The following CSMD1 variants were observed in gnomAD, a reference collection of about 807,000 sequenced individuals.
The protein encoded by CSMD1 is CUB and sushi domain-containing protein 1.
In CSMD1, 213 loss-of-function variants were observed where a neutral mutation model predicts 417.5. The observed-to-expected ratio is 0.51, with a 90% CI of 0.46 to 0.57. The LOEUF is 0.57. CSMD1 is among the 20% of genes least tolerant of loss of function. CSMD1 has a pLI of 0.00. For missense variants in CSMD1, 6,923 were observed against 4,529.7 expected, an observed-to-expected ratio of 1.53 and a Z score of -15.17; for synonymous variants, 2,862 against 1,736.8, an observed-to-expected ratio of 1.65 and a Z score of -16.11.
intron 2 of CSMD1, among the ~76,000 whole-genome samples, chr8:4,566,539 C>A (rs1021073852): frequency 2.7e-5 from 4 of 150,822 alleles, no homozygotes; most frequent in Admixed American, 6.6e-5. Flanking sequence ...TGCAGTCCCA[C>A]CTACTCGGGA....
intron 3 of CSMD1, among the ~76,000 whole-genome samples, chr8:4,084,358 T>C (rs1044628458): frequency 2.6e-5 from 4 of 151,850 alleles, no homozygotes; most frequent in African/African-American, 7.3e-5. Flanking sequence ...ACTACAACCA[T>C]AAATGCAATC....
chr8:3,909,866 G>T (rs934384722), intron 5 of CSMD1, among the ~76,000 whole-genome samples: 1 of 152,120 alleles, frequency 6.6e-6, no homozygotes, highest in Admixed American at 6.5e-5. Context: ...ACAAGTTGAT[G>T]GAATGGGTAC....
intron 1 of CSMD1, among the ~76,000 whole-genome samples, chr8:4,806,055 G>A (rs1009404833): frequency 6.6e-6 from 1 of 152,002 alleles, no homozygotes; most frequent in Non-Finnish European, 1.5e-5. Flanking sequence ...ACGGAAACCC[G>A]GATTTTCGGT....
At chr8:3,455,292 G>A (rs1270955422) in intron 12 of CSMD1, among the ~76,000 whole-genome samples, 2 of 152,116 alleles carry the variant, frequency 1.3e-5, no homozygotes, top group African/African-American at 2.4e-5. Context: ...GTGATCATCT[G>A]AAGCCTTCTT....
chr8:4,857,856 T>C (rs200401894), intron 1 of CSMD1, among the ~76,000 whole-genome samples: 32,817 of 151,394 alleles, frequency 0.22, 4,421 homozygotes, highest in Non-Finnish European at 0.31. Flanking sequence ...CTGGTACCAT[T>C]CCTTCTGAAA....
intron 1 of CSMD1, among the ~76,000 whole-genome samples, chr8:4,958,778 G>C (rs571642521): frequency 1.4e-4 from 22 of 152,070 alleles, no homozygotes; most frequent in Non-Finnish European, 2.9e-4. Context: ...AACTAGAAGT[G>C]AAAAAAGCGG....
chr8:3,624,038 A>G (rs4601341), intron 7 of CSMD1, among the ~76,000 whole-genome samples: 50,290 of 152,116 alleles, frequency 0.33, 9,622 homozygotes, highest in Middle Eastern at 0.47. Context: ...CTTATGAGAC[A>G]TTATGCGTTG....
chr8:3,712,035 G>A (rs1374307670), intron 6 of CSMD1, among the ~76,000 whole-genome samples: 2 of 152,174 alleles, frequency 1.3e-5, no homozygotes, highest in African/African-American at 2.4e-5. Flanking sequence ...GCAAACAAGT[G>A]TTTGATGCTC....
chr8:4,230,301 T>TCAAATAATCTATC (rs1801638091), intron 3 of CSMD1, among the ~76,000 whole-genome samples: 1 of 152,206 alleles, frequency 6.6e-6, no homozygotes, highest in South Asian at 2.1e-4. Context: ...CATTTAATCC[T>TCAAATAATCTATC]CAATTAATCT....
At chr8:4,847,085 G>T (rs183380073) in intron 1 of CSMD1, among the ~76,000 whole-genome samples, 7 of 152,056 alleles carry the variant, frequency 4.6e-5, no homozygotes, top group South Asian at 2.1e-4. Context: ...AGGGCACCAC[G>T]CTCTGCTCGT....
At chr8:4,573,534 C>G (rs891581373) in intron 2 of CSMD1, among the ~76,000 whole-genome samples, 1 of 152,108 alleles carries the variant, frequency 6.6e-6, no homozygotes, top group Non-Finnish European at 1.5e-5. Flanking sequence ...CCATCCGGAG[C>G]TCTCCTGTAT....
At chr8:3,548,678 AC>A in intron 10 of CSMD1, among the ~76,000 whole-genome samples, 1 of 147,458 alleles carries the variant, frequency 6.8e-6, no homozygotes, top group East Asian at 2.2e-4. Flanking sequence ...ACACACACAC[AC>A]ACACACACAC....
chr8:4,201,828 T>A (rs1207998706), intron 3 of CSMD1, among the ~76,000 whole-genome samples: 1 of 148,586 alleles, frequency 6.7e-6, no homozygotes, highest in Non-Finnish European at 1.5e-5. Flanking sequence ...TCAGTGCTCC[T>A]TATAGAAGGA....
intron 2 of CSMD1, among the ~76,000 whole-genome samples, chr8:4,526,433 TA>T (rs1216125347): frequency 6.6e-6 from 1 of 152,326 alleles, no homozygotes; most frequent in East Asian, 1.9e-4. Context: ...TGCCTAGTAC[TA>T]AAAAACTATA....
At chr8:4,248,347 C>A (rs888865445) in intron 3 of CSMD1, among the ~76,000 whole-genome samples, 1 of 152,162 alleles carries the variant, frequency 6.6e-6, no homozygotes, top group Non-Finnish European at 1.5e-5. Flanking sequence ...CAGCCAAACA[C>A]GCTTTTACCA....
rs550653561 is a variant in CSMD1 at position 4,353,954 on chromosome 8, C to T, written c.415+65999G>A. 2.0e-3 allele frequency among the ~76,000 whole-genome samples: 306 copies of T among 152,198 alleles called. 1 individual carries two copies. Among genetic ancestry groups the T allele is most frequent in the Middle Eastern group, 6.8e-3 (2 of 294 alleles). ...GAGGTATATTAGGGAACTTCATCAG[C>T]CCTCTATGATGATATATTGTTTCAC... On this transcript the variant is annotated intron_variant, in intron 3 of 69. Transcript: ENST00000635120.
chr8:4,390,574 T>A (rs1334064431), intron 3 of CSMD1, among the ~76,000 whole-genome samples: 1 of 149,220 alleles, frequency 6.7e-6, no homozygotes, highest in African/African-American at 2.5e-5. Context: ...AGTGCAGTGG[T>A]GCGATCTCAG....
chr8:4,204,063 T>C (rs1381910610), intron 3 of CSMD1, among the ~76,000 whole-genome samples: 1 of 152,162 alleles, frequency 6.6e-6, no homozygotes, highest in Non-Finnish European at 1.5e-5. Context: ...ATTGTGCCAC[T>C]GTACTCCAGC....
chr8:4,560,975 C>T (rs184984364), intron 2 of CSMD1, among the ~76,000 whole-genome samples: 3 of 152,292 alleles, frequency 2.0e-5, no homozygotes, highest in Admixed American at 2.0e-4. Flanking sequence ...TTCCACTGTT[C>T]TAAATATTTC....
Sources: gnomAD v4.1 joint callset for allele counts (sites outside exome capture counted in the v4.1 genomes callset) on GRCh38, gnomAD v4.1.1 for gene constraint, MANE v1.5 for transcripts, NCBI Gene and HGNC (gene_info 2026-07-23, HGNC 2026-07-21) for gene names.